The following PKD1L3 variants were observed in gnomAD, a reference collection of about 807,000 sequenced individuals.
PKD1L3 encodes the protein polycystin-1-like protein 3.
In PKD1L3, 239 loss-of-function variants were observed where a neutral mutation model predicts 184.1. The observed-to-expected ratio is 1.30, with a 90% confidence interval of 1.17 to 1.45. PKD1L3 has a LOEUF of 1.45. PKD1L3 is among the 40% of genes most tolerant of loss of function. PKD1L3 has a pLI of 0.00. For synonymous variants in PKD1L3, 996 were observed against 778.8 expected (o/e 1.28, Z -4.64); for missense variants, 2,660 against 2,067.2 (o/e 1.29, Z -5.56).
At chr16:71,957,708 A>G (rs2039100577) in intron 16 of PKD1L3, among the ~76,000 whole-genome samples, 1 of 152,184 alleles carries the variant, frequency 6.6e-6, no homozygotes, top group Non-Finnish European at 1.5e-5. Context: ...AAGGCAGGAC[A>G]ATTGCTTGAA....
chr16:71,960,706 A>G (rs952652500), intron 16 of PKD1L3, among the ~76,000 whole-genome samples: 2 of 152,196 alleles, frequency 1.3e-5, no homozygotes, highest in Non-Finnish European at 2.9e-5. Flanking sequence ...CAGATAAAAA[A>G]TCACATTTCT....
In PKD1L3 at chr16:71,949,421, C is replaced by T. The variant is rs139021969; in HGVS notation, c.3618+362G>A. 3.1e-4 allele frequency among the ~76,000 whole-genome samples: 46 copies of T among 150,714 alleles called. 1 individual carries two copies. Among genetic ancestry groups the T allele is most frequent in the Admixed American group, 6.0e-4 (9 of 15,058 alleles). ...AGGCTGGAGTACAGTGGCGCAATCACGGCTTACTGCAGCCTCGACCTCCTG... is the reference window on the plus strand; with the variant it reads ...AGGCTGGAGTACAGTGGCGCAATCATGGCTTACTGCAGCCTCGACCTCCTG... On this transcript the variant is annotated intron_variant, in intron 21 of 29. Coordinates refer to ENST00000620267, the MANE Select transcript of PKD1L3 (RefSeq NM_181536.2).
intron 18 of PKD1L3, among the ~76,000 whole-genome samples, chr16:71,952,556 TGGG>T (rs2038880853): frequency 1.8e-5 from 1 of 55,180 alleles, no homozygotes; most frequent in African/African-American, 5.3e-5. Context: ...TGATACTGGC[TGGG>T]CACGGTGGCT....
chr16:71,947,628 T>G, intron 21 of PKD1L3, 37 bp from the exon 22 acceptor site: 2 of 1,363,550 alleles, frequency 1.5e-6, no homozygotes, highest in Non-Finnish European at 2.0e-6. Flanking sequence ...TGAGCAGACA[T>G]TACAGACCCA....
chr16:71,982,127 G>A lies in PKD1L3; in HGVS notation c.1075C>T (p.His359Tyr). 2 of 1,552,024 alleles carry A rather than the reference G, an allele frequency of 1.3e-6. No individual in the cohort carries two copies. The highest frequency in any genetic ancestry group is 2.4e-5 in the South Asian group (2 of 84,024). Residue 359 changes from histidine (H) to tyrosine (Y), a missense_variant, in exon 7 of 30, where the codon CAT (histidine) becomes TAT (tyrosine). By Grantham distance (83) the His-to-Tyr change is moderately conservative. Transcript: ENST00000620267. Reference sequence around the variant, plus strand: ...GCTTTGGTGACATTGTTGAGGGAATGAAAGGGGCAGACAGTTGGAGGAACT... The same window carrying A: ...GCTTTGGTGACATTGTTGAGGGAATAAAAGGGGCAGACAGTTGGAGGAACT... ...FKVPPTVCPF[H>Y]SLNNVTKAGE...
At chr16:71,963,642 C>T (rs1020458959) in intron 15 of PKD1L3, among the ~76,000 whole-genome samples, 4 of 152,072 alleles carry the variant, frequency 2.6e-5, no homozygotes, top group South Asian at 2.1e-4. Flanking sequence ...ATTAGCTGGG[C>T]GTGGTGGTGT....
At chr16:71,943,309 G>A (rs1392952219) in intron 23 of PKD1L3, among the ~76,000 whole-genome samples, 2 of 151,950 alleles carry the variant, frequency 1.3e-5, no homozygotes, top group African/African-American at 4.8e-5. Flanking sequence ...AGCTGAGACG[G>A]GCAGATCACC....
chr16:71,994,323 G>A (rs1359158961), intron 2 of PKD1L3, among the ~76,000 whole-genome samples: 1 of 152,064 alleles, frequency 6.6e-6, no homozygotes, highest in Non-Finnish European at 1.5e-5. Flanking sequence ...CTCATTCTTA[G>A]GTCAGGTGAT....
intron 16 of PKD1L3, among the ~76,000 whole-genome samples, chr16:71,962,377 A>G (rs947353243): frequency 1.3e-5 from 2 of 152,180 alleles, no homozygotes; most frequent in African/African-American, 4.8e-5. Flanking sequence ...CATTCAGGAG[A>G]CATAGAAAGA....
chr16:71,939,895 AAGG>A (rs1187946377), intron 24 of PKD1L3, among the ~76,000 whole-genome samples: 1 of 152,188 alleles, frequency 6.6e-6, no homozygotes. Context: ...AGATGAAGAA[AAGG>A]AGGGCAGATG....
intron 2 of PKD1L3, among the ~76,000 whole-genome samples, chr16:71,997,023 G>A (rs1289947756): frequency 6.6e-6 from 1 of 151,302 alleles, no homozygotes; most frequent in African/African-American, 2.4e-5. Context: ...TGAGACTGAG[G>A]GAGGCTCCCA....
chr16:71,999,751 T>A lies in PKD1L3; in HGVS notation c.228A>T (p.Glu76Asp). Residue 76 changes from glutamate to aspartate, a missense_variant, in exon 1 of 30, where the codon GAA becomes GAT. Physicochemically the swap from Glu to Asp is conservative, Grantham distance 45. Transcript: ENST00000620267. Reference sequence around the variant, plus strand: ...TTTGCCCAATCCACCACTTCTTTCCTTCTTCCAGATAGTCCCGGATGAGAT... The same window carrying A: ...TTTGCCCAATCCACCACTTCTTTCCATCTTCCAGATAGTCCCGGATGAGAT... ...VQDLIRDYLE[E>D]GKKWWIGQNV... 1.3e-6 allele frequency: 2 copies of A among 1,551,792 alleles called. No individual in the cohort carries two copies. Among genetic ancestry groups the A allele is most frequent in the South Asian group, 1.2e-5 (1 of 84,038 alleles).
intron 3 of PKD1L3, among the ~76,000 whole-genome samples, chr16:71,992,175 GC>G (rs1426908020): frequency 5.3e-5 from 8 of 152,104 alleles, no homozygotes; most frequent in Admixed American, 2.6e-4. Flanking sequence ...GGGAGATCCA[GC>G]CCGCAAACTT....
chr16:71,933,387 G>C, intron 28 of PKD1L3, 33 bp downstream of exon 28: 2 of 1,466,314 alleles, frequency 1.4e-6, no homozygotes, highest in Non-Finnish European at 1.9e-6. Flanking sequence ...TCAATATATT[G>C]AATTCTGTGA....
chr16:71,954,103 A>G lies in PKD1L3; in HGVS notation c.2809+2T>C, dbSNP rs554562825. The G allele has an allele frequency of 5.9e-6, 9 of 1,530,626 alleles. No homozygotes were observed. In the African/African-American group the frequency reaches 8.3e-5, roughly 14 times the overall value. The allele number at this position is 1,530,626 out of a possible 1,614,324, so 94.8% of individuals were successfully genotyped here. On this transcript the variant is annotated splice_donor_variant, in intron 17 of 29. Coordinates refer to ENST00000620267, the MANE Select transcript of PKD1L3 (RefSeq NM_181536.2). LOFTEE classifies it high-confidence loss of function. Reference sequence around the variant, plus strand: ...ACAACACACATCAGGGCTCATCCATACTTTGCTCATCTCTCTTGGCAGTGG... The same window carrying G: ...ACAACACACATCAGGGCTCATCCATGCTTTGCTCATCTCTCTTGGCAGTGG...
intron 28 of PKD1L3, among the ~76,000 whole-genome samples, chr16:71,932,780 CTTTTTTTTTTTTTTTT>C (rs71153681): frequency 1.0e-5 from 1 of 97,114 alleles, no homozygotes; most frequent in Admixed American, 1.2e-4. Context: ...CGCACCTGGC[CTTTTTTTTTTTTTTTT>C]TTTTTTTTTA....
chr16:71,967,095 C>A (rs1312432784), intron 15 of PKD1L3, 42 bp downstream of exon 15: 2 of 1,516,138 alleles, frequency 1.3e-6, no homozygotes, highest in Non-Finnish European at 1.8e-6. Context: ...TCTCTTGGAT[C>A]CACAAAGCAG....
chr16:71,936,757 A>G lies in PKD1L3; in HGVS notation c.4452+535T>C, dbSNP rs369694672. On this transcript the variant is annotated intron_variant, in intron 25 of 29. Coordinates refer to ENST00000620267, the MANE Select transcript of PKD1L3 (RefSeq NM_181536.2). ...CTCGGCCTCCTAAAGTGCTTGAACT[A>G]CAGGCATGAGCCAATCATTTGTATT... 3.0e-4 allele frequency among the ~76,000 whole-genome samples: 46 copies of G among 152,288 alleles called. No homozygotes were observed. In the South Asian group the frequency reaches 9.5e-3, roughly 32 times the overall value.
intron 28 of PKD1L3, chr16:71,930,874 C>G (rs1272398475): frequency 6.6e-6 from 1 of 152,094 alleles, no homozygotes; most frequent in Non-Finnish European, 1.5e-5. Context: ...TAAAAATATC[C>G]CAACAGAGGG....
Sources: allele counts gnomAD v4.1 joint callset (sites outside exome capture counted in the v4.1 genomes callset), GRCh38; gene constraint gnomAD v4.1.1; transcripts MANE v1.5; gene names NCBI Gene and HGNC (gene_info 2026-07-23, HGNC 2026-07-21).